The following USP43 variants were observed in gnomAD, a reference collection of about 807,000 sequenced individuals.
USP43 encodes the protein ubiquitin carboxyl-terminal hydrolase 43.
USP43 carries 33 observed loss-of-function variants against 90.7 expected under a neutral mutation model. That is an observed-to-expected ratio of 0.36 (90% confidence interval 0.28 to 0.49). USP43 has a LOEUF of 0.49. USP43 is among the 20% of genes least tolerant of loss of function. USP43 has a pLI of 0.98. For missense variants in USP43, 1,274 were observed against 1,476.4 expected (o/e 0.86, Z 2.25); for synonymous variants, 598 against 615.8 (o/e 0.97, Z 0.43).
intron 14 of USP43, among the ~76,000 whole-genome samples, chr17:9,721,838 C>T (rs966952141): frequency 6.6e-6 from 1 of 151,234 alleles, no homozygotes; most frequent in South Asian, 2.1e-4. Flanking sequence ...ATTGTCCTGC[C>T]TCAGCCTCCC....
chr17:9,667,094 G>C (rs1365489689), intron 3 of USP43, among the ~76,000 whole-genome samples: 2 of 152,174 alleles, frequency 1.3e-5, no homozygotes, highest in African/African-American at 2.4e-5. Flanking sequence ...TCTCTCCAGA[G>C]AGCCCAACTT....
At position 9,686,525 on chromosome 17, in the gene USP43, G is replaced by T. The variant is rs1914604984; in HGVS notation, c.1242-273G>T. On this transcript the variant is annotated intron_variant, in intron 7 of 14. Transcript: ENST00000285199. The surrounding 1 kb of genome is among the most constrained non-coding windows in gnomAD (Gnocchi z 5.5). ...AACTGGGGTAAGATGATATCTCATT[G>T]GGGTTTTGACTTGCATTTCCCTGAT... 6.6e-6 allele frequency among the ~76,000 whole-genome samples: 1 copy of T among 152,040 alleles called. No homozygotes were observed. The highest frequency in any genetic ancestry group is 6.6e-5 in the Admixed American group (1 of 15,264).
chr17:9,646,636 A>T (rs770818802), intron 1 of USP43, among the ~76,000 whole-genome samples: 4 of 152,134 alleles, frequency 2.6e-5, no homozygotes, highest in Non-Finnish European at 5.9e-5. Context: ...GACCCGAAGG[A>T]GCTGAGTGCT....
intron 8 of USP43, among the ~76,000 whole-genome samples, chr17:9,687,827 C>T (rs1056547592): frequency 6.6e-6 from 1 of 152,206 alleles, no homozygotes; most frequent in Non-Finnish European, 1.5e-5. Context: ...CAACTTTTAT[C>T]TCTAAAGGAT....
At chr17:9,656,198 T>C (rs972476406) in intron 1 of USP43, among the ~76,000 whole-genome samples, 2 of 152,158 alleles carry the variant, frequency 1.3e-5, no homozygotes, top group Non-Finnish European at 2.9e-5. Context: ...TTCTCCCATA[T>C]ACAGAGACCC....
At chr17:9,664,686 G>A (rs370447262) in intron 2 of USP43, among the ~76,000 whole-genome samples, 1 of 147,316 alleles carries the variant, frequency 6.8e-6, no homozygotes, top group Non-Finnish European at 1.5e-5. Flanking sequence ...CACCCAGGCT[G>A]GAGTGCAGTG....
intron 12 of USP43, among the ~76,000 whole-genome samples, chr17:9,707,746 CA>C (rs1915969632): frequency 6.6e-6 from 1 of 151,246 alleles, no homozygotes; most frequent in South Asian, 2.1e-4. Flanking sequence ...TGATGACTGG[CA>C]ATTTGGAAGA....
Position 9,728,895 on chromosome 17 carries a change from C to T in USP43, c.3277C>T (p.Pro1093Ser). 10 of 1,613,580 alleles carry T rather than the reference C, an allele frequency of 6.2e-6. No individual in the cohort carries two copies. The highest frequency in any genetic ancestry group is 8.5e-6 in the Non-Finnish European group (10 of 1,179,630). ...SALGMSQRTV[P>S]GEQASYGTFQ... ...ACTGGGCATGTCACAAAGGACTGTTCCAGGGGAGCAGGCTTCTTATGGCAC... is the reference window on the plus strand; with the variant it reads ...ACTGGGCATGTCACAAAGGACTGTTTCAGGGGAGCAGGCTTCTTATGGCAC... The change falls in exon 15 of 15, where the codon CCA (proline) becomes TCA (serine). Residue 1093 changes from proline to serine, a missense_variant. By Grantham distance (74) the Pro-to-Ser change is moderately conservative (BLOSUM62 -1). This residue lies in a region of USP43 where 353 missense variants were observed against 329.7 expected (regional missense o/e 1.07). Transcript: ENST00000285199. The surrounding 1 kb of genome is among the most constrained non-coding windows in gnomAD (Gnocchi z 6.2).
rs1555550746 is a variant in USP43 at position 9,686,917 on chromosome 17, G to A, written c.1353+8G>A. ...AGTGAGGCCCCTGTACAGGTCAGTG[G>A]TGTGCATGCGTGTGTGTGTGTGTGC... On this transcript the variant is annotated splice_region_variant and intron_variant, in intron 8 of 14. Transcript: ENST00000285199. This position sits in a 1 kb window ranked among gnomAD's most constrained non-coding sequence, Gnocchi z 5.5. The A allele has an allele frequency of 2.5e-6, 4 of 1,610,906 alleles. No individual in the cohort carries two copies. The highest frequency in any genetic ancestry group is 1.3e-5 in the African/African-American group (1 of 74,988).
intron 12 of USP43, among the ~76,000 whole-genome samples, chr17:9,705,765 A>AT (rs1207105811): frequency 6.7e-6 from 1 of 148,808 alleles, no homozygotes; most frequent in Non-Finnish European, 1.5e-5. Context: ...AAAAAAAAAA[A>AT]CAACAACAAC....
chr17:9,689,517 T>G (rs1201310021), intron 8 of USP43, among the ~76,000 whole-genome samples: 5 of 151,964 alleles, frequency 3.3e-5, no homozygotes, highest in Non-Finnish European at 5.9e-5. Context: ...GCTCAAGTGA[T>G]CCTCCCACCT....
chr17:9,645,438 A>AG, upstream of USP43: 1 of 364,468 alleles, frequency 2.7e-6, no homozygotes, highest in Non-Finnish European at 4.4e-6. This position sits in a 1 kb window ranked among gnomAD's most constrained non-coding sequence, Gnocchi z 6.8. Flanking sequence ...GCTGCCCTGG[A>AG]GGGGGCTGGT....
intron 9 of USP43, among the ~76,000 whole-genome samples, chr17:9,698,625 C>A (rs1183716059): frequency 3.9e-5 from 6 of 152,314 alleles, no homozygotes; most frequent in South Asian, 4.2e-4. Flanking sequence ...TAATCTCACC[C>A]TCTAGTGACA....
At chr17:9,724,435 T>C (rs940247254) in intron 14 of USP43, among the ~76,000 whole-genome samples, 1 of 152,014 alleles carries the variant, frequency 6.6e-6, no homozygotes, top group African/African-American at 2.4e-5. Flanking sequence ...ATCCCAGCAC[T>C]TTGAGAGGTC....
In USP43 at chr17:9,718,772, G is replaced by A. The variant is rs187438665; in HGVS notation, c.2335+6640G>A. ...GGAGAATTGCTTGAACCCGGGAGAC[G>A]GAGGTTGTGGTGAGCTGAGATCGTG... On this transcript the variant is annotated intron_variant, in intron 14 of 14. Transcript: ENST00000285199. Among the ~76,000 whole-genome samples the A allele has an allele frequency of 8.8e-3, 1,331 of 151,972 alleles. 12 individuals carry two copies. The highest frequency in any genetic ancestry group is 0.037 in the Middle Eastern group (11 of 294).
At position 9,655,084 on chromosome 17, in the gene USP43, GAAA is replaced by G. The variant is rs57985388; in HGVS notation, c.505-1295_505-1293del. ...CAAGGGAAAATTAAAAGAAAGAAAGGAAAAAAAAAAAAAAAAAAAAAAAAAAGC... is the reference window on the plus strand; with the variant it reads ...CAAGGGAAAATTAAAAGAAAGAAAGGAAAAAAAAAAAAAAAAAAAAAAAGC... On this transcript the variant is annotated intron_variant, in intron 1 of 14. Transcript: ENST00000285199. Among the ~76,000 whole-genome samples, 249 of 37,330 alleles carry G rather than the reference GAAA, an allele frequency of 6.7e-3. 1 individual carries two copies. The highest frequency in any genetic ancestry group is 0.015 in the African/African-American group (228 of 14,936). 24.5% of individuals were successfully genotyped at this position (37,330 alleles called of 152,430 possible).
chr17:9,648,074 A>G lies in USP43; in HGVS notation c.504+1938A>G, dbSNP rs549689047. Among the ~76,000 whole-genome samples, 197 of 152,230 alleles carry G rather than the reference A, an allele frequency of 1.3e-3. 2 individuals are homozygous for G. Among genetic ancestry groups the G allele is most frequent in the Admixed American group, 2.6e-3 (40 of 15,278 alleles). On this transcript the variant is annotated intron_variant, in intron 1 of 14. Coordinates refer to ENST00000285199, the MANE Select transcript of USP43 (RefSeq NM_153210.5). ...ACTCCGAAATTAGTAATCACCCTCAATGACTCACCAGAATTCCCTATCTCT... is the reference window on the plus strand; with the variant it reads ...ACTCCGAAATTAGTAATCACCCTCAGTGACTCACCAGAATTCCCTATCTCT...
chr17:9,682,241 T>C (rs917785909), intron 6 of USP43, among the ~76,000 whole-genome samples: 14 of 152,278 alleles, frequency 9.2e-5, no homozygotes, highest in African/African-American at 3.1e-4. Context: ...TGACTTGAAA[T>C]ATATTAGTTA....
Position 9,709,853 on chromosome 17 carries a change from C to A in USP43, c.2012-103C>A. 8.2e-7 allele frequency: 1 copy of A among 1,225,282 alleles called. No individual in the cohort carries two copies. Among genetic ancestry groups the A allele is most frequent in the Non-Finnish European group, 1.0e-6 (1 of 958,800 alleles). 75.9% of individuals were successfully genotyped at this position (1,225,282 alleles called of 1,614,324 possible). Reference sequence around the variant, plus strand: ...GGCCAAAAATGGACTGTTTTTTTCTCATTCTGGTTTAAACATACCGCTTTT... The same window carrying A: ...GGCCAAAAATGGACTGTTTTTTTCTAATTCTGGTTTAAACATACCGCTTTT... On this transcript the variant is annotated intron_variant, in intron 12 of 14. Coordinates refer to ENST00000285199, the MANE Select transcript of USP43 (RefSeq NM_153210.5). The surrounding 1 kb of genome is among the most constrained non-coding windows in gnomAD (Gnocchi z 5.0).
Sources: gnomAD v4.1 joint callset for allele counts (sites outside exome capture counted in the v4.1 genomes callset) on GRCh38, gnomAD v4.1.1 for gene constraint, gnomAD v4.1.1 regional missense constraint, Gnocchi (gnomAD v3.1) non-coding constraint, MANE v1.5 for transcripts, NCBI Gene and HGNC (gene_info 2026-07-23, HGNC 2026-07-21) for gene names.